The following LRRTM4 variants were observed in gnomAD, a reference collection of about 807,000 sequenced individuals.
LRRTM4 encodes the protein leucine rich repeat transmembrane neuronal 4.
A neutral mutation model predicts 47.6 loss-of-function variants in LRRTM4; 25 were observed. The ratio of observed to expected loss-of-function variants is 0.53; its 90% CI spans 0.38 to 0.73. The LOEUF (loss-of-function observed/expected upper bound fraction) is 0.73. Among genes scored for constraint, LRRTM4 ranks in the 30% least tolerant of loss-of-function variants. The probability of loss-of-function intolerance (pLI) is 0.00; values close to 1 mark genes in which losing one functional copy is unlikely to be tolerated. For missense variants in LRRTM4, 638 were observed against 713.4 expected (o/e 0.89, Z 1.20); for synonymous variants, 311 against 269.5 (o/e 1.15, Z -1.51).
intron 3 of LRRTM4, among the ~76,000 whole-genome samples, chr2:77,230,850 GA>G (rs997872393): frequency 7.9e-5 from 12 of 151,694 alleles, no homozygotes; most frequent in African/African-American, 1.9e-4. Flanking sequence ...TTAACAATAA[GA>G]AAAAAATAAC....
At chr2:76,968,661 G>A (rs1044588462) in intron 3 of LRRTM4, among the ~76,000 whole-genome samples, 1 of 151,618 alleles carries the variant, frequency 6.6e-6, no homozygotes, top group Non-Finnish European at 1.5e-5. Context: ...GGAAGGAAGA[G>A]AGGACAGGTG....
chr2:76,798,329 A>G (rs1463034959), intron 3 of LRRTM4, among the ~76,000 whole-genome samples: 4 of 152,142 alleles, frequency 2.6e-5, no homozygotes, highest in Non-Finnish European at 5.9e-5. Flanking sequence ...TGGAAACTGA[A>G]CAACCTGCTC....
At chr2:76,803,737 C>T (rs189234409) in intron 3 of LRRTM4, among the ~76,000 whole-genome samples, 2 of 152,180 alleles carry the variant, frequency 1.3e-5, no homozygotes, top group African/African-American at 4.8e-5. Flanking sequence ...AGGGTTAACA[C>T]TTGGCTGGCA....
intron 3 of LRRTM4, among the ~76,000 whole-genome samples, chr2:77,172,584 C>A (rs1387222010): frequency 6.6e-6 from 1 of 151,986 alleles, no homozygotes; most frequent in African/African-American, 2.4e-5. Context: ...CAGAGTGAGA[C>A]TTCGTCTCAA....
intron 3 of LRRTM4, among the ~76,000 whole-genome samples, chr2:77,057,301 CAT>C (rs1679641254): frequency 2.0e-5 from 3 of 151,970 alleles, no homozygotes; most frequent in African/African-American, 7.3e-5. Flanking sequence ...AAAACATATG[CAT>C]ATGTTAAAAA....
chr2:77,368,410 G>T (rs1390891313), intron 3 of LRRTM4, among the ~76,000 whole-genome samples: 2 of 151,634 alleles, frequency 1.3e-5, no homozygotes, highest in Non-Finnish European at 3.0e-5. Context: ...GAGGTACCAT[G>T]AGGTACTCCT....
intron 3 of LRRTM4, among the ~76,000 whole-genome samples, chr2:76,917,706 G>T (rs193271530): frequency 5.3e-5 from 8 of 152,106 alleles, no homozygotes; most frequent in Non-Finnish European, 1.2e-4. Flanking sequence ...GGAAAAAGAA[G>T]AAATGAGAAG....
chr2:77,071,668 A>G (rs1380842952), intron 3 of LRRTM4, among the ~76,000 whole-genome samples: 2 of 152,250 alleles, frequency 1.3e-5, no homozygotes, highest in Non-Finnish European at 2.9e-5. Flanking sequence ...TCACATAAAA[A>G]TTATGAAAAT....
intron 3 of LRRTM4, among the ~76,000 whole-genome samples, chr2:76,898,047 A>G (rs911967840): frequency 6.6e-6 from 1 of 152,272 alleles, no homozygotes; most frequent in African/African-American, 2.4e-5. Flanking sequence ...TCAGTTTCCT[A>G]TTAGAGTTTC....
At chr2:77,441,584 A>C (rs778093957) in intron 3 of LRRTM4, among the ~76,000 whole-genome samples, 4 of 152,202 alleles carry the variant, frequency 2.6e-5, no homozygotes, top group Non-Finnish European at 5.9e-5. Flanking sequence ...GATGGAGATA[A>C]TAAGCTTATC....
At chr2:77,174,119 C>T (rs897819112) in intron 3 of LRRTM4, among the ~76,000 whole-genome samples, 3 of 152,052 alleles carry the variant, frequency 2.0e-5, no homozygotes, top group African/African-American at 7.2e-5. Context: ...CCAGCCCTGC[C>T]CACCAAATGC....
intron 3 of LRRTM4, among the ~76,000 whole-genome samples, chr2:77,376,411 A>ATT (rs796997447): frequency 2.1e-5 from 3 of 143,718 alleles, no homozygotes; most frequent in East Asian, 2.0e-4. Context: ...ATTTCACAAG[A>ATT]TTTTTTTTTT....
intron 3 of LRRTM4, chr2:77,009,762 C>G (rs2104061159): frequency 6.6e-6 from 1 of 152,178 alleles, no homozygotes; most frequent in Non-Finnish European, 1.5e-5. Context: ...ACTAAGCACA[C>G]TTTCTCTACC....
At chr2:77,005,537 G>A (rs986750389) in intron 3 of LRRTM4, among the ~76,000 whole-genome samples, 1 of 152,150 alleles carries the variant, frequency 6.6e-6, no homozygotes, top group South Asian at 2.1e-4. Context: ...ATCTCACCTT[G>A]AATTGTAATA....
chr2:77,183,912 T>TCACACAC (rs1673425797), intron 3 of LRRTM4, among the ~76,000 whole-genome samples: 1 of 151,974 alleles, frequency 6.6e-6, no homozygotes, highest in African/African-American at 2.4e-5. Context: ...AAGGGGAACA[T>TCACACAC]CACACACCGG....
chr2:76,965,541 T>C lies in LRRTM4; in HGVS notation c.1552-216625A>G, dbSNP rs188576164. Among the ~76,000 whole-genome samples the C allele has an allele frequency of 4.6e-5, 7 of 151,480 alleles. No individual in the cohort carries two copies. In the East Asian group the frequency reaches 1.4e-3, roughly 30 times the overall value. On this transcript the variant is annotated intron_variant, in intron 3 of 3. Coordinates refer to ENST00000409884, the MANE Select transcript of LRRTM4 (RefSeq NM_001134745.3). ...GATGATGTAACAAAAACTATTTTAT[T>C]GTTTTGGGACCTAAAGTAAATACAT... is the stretch of plus-strand genomic sequence containing the variant.
At chr2:77,359,121 T>C (rs1672081670) in intron 3 of LRRTM4, among the ~76,000 whole-genome samples, 1 of 152,188 alleles carries the variant, frequency 6.6e-6, no homozygotes, top group Non-Finnish European at 1.5e-5. Flanking sequence ...GAACATTTTA[T>C]CATTTTCTGT....
chr2:76,985,149 C>T (rs750042400), intron 3 of LRRTM4, among the ~76,000 whole-genome samples: 2 of 151,428 alleles, frequency 1.3e-5, no homozygotes, highest in Non-Finnish European at 2.9e-5. Context: ...AATTTTGGTA[C>T]ACTTTAGAAG....
chr2:77,488,518 A>C (rs1267898964), intron 3 of LRRTM4, among the ~76,000 whole-genome samples: 1 of 152,190 alleles, frequency 6.6e-6, no homozygotes, highest in Admixed American at 6.5e-5. Context: ...AGGCAAAGGC[A>C]CCACTGATCA....
Sources: allele counts gnomAD v4.1 joint callset (sites outside exome capture counted in the v4.1 genomes callset), GRCh38; gene constraint gnomAD v4.1.1; transcripts MANE v1.5; gene names NCBI Gene and HGNC (gene_info 2026-07-23, HGNC 2026-07-21).